Variants in GALNTL6 observed in about 807,000 individuals in gnomAD.
The protein encoded by GALNTL6 is polypeptide N-acetylgalactosaminyltransferase-like 6.
Under a neutral mutation model 73.7 loss-of-function variants are expected in GALNTL6, and 46 were observed. The ratio of observed to expected loss-of-function variants is 0.62; its 90% confidence interval spans 0.49 to 0.80. GALNTL6 has a LOEUF of 0.80. Ranked by LOEUF, GALNTL6 falls within the 30% of genes least tolerant of loss-of-function variation. The pLI is 0.00. For synonymous variants in GALNTL6, 259 were observed against 263.7 expected, an observed-to-expected ratio of 0.98 and a Z score of 0.17; for missense variants, 604 against 755.0, an observed-to-expected ratio of 0.80 and a Z score of 2.34.
In GALNTL6 at chr4:171,979,621, C is replaced by G. The variant is rs143634563; in HGVS notation, c.138+164903C>G. Among the ~76,000 whole-genome samples, 407 of 152,260 alleles carry G rather than the reference C, an allele frequency of 2.7e-3. 1 individual carries two copies. Among genetic ancestry groups the G allele is most frequent in the African/African-American group, 9.3e-3 (385 of 41,558 alleles). On this transcript the variant is annotated intron_variant, in intron 2 of 12. Transcript: ENST00000506823. ...TAGAAAATAGCCTGGGGCAGAGTTT[C>G]CCAAACTGAAAGGCAGTTGCCAAGG...
At chr4:172,789,834 A>T (rs1028453418) in intron 5 of GALNTL6, among the ~76,000 whole-genome samples, 3 of 152,226 alleles carry the variant, frequency 2.0e-5, no homozygotes, top group African/African-American at 7.2e-5. Flanking sequence ...GATAGGAGAA[A>T]GATTCTGTTT....
chr4:172,414,948 C>CT (rs1561072503), intron 5 of GALNTL6, among the ~76,000 whole-genome samples: 3 of 152,046 alleles, frequency 2.0e-5, no homozygotes, highest in African/African-American at 7.2e-5. Context: ...CAATAACATC[C>CT]TTTTTTTCAC....
intron 5 of GALNTL6, among the ~76,000 whole-genome samples, chr4:172,435,142 T>C (rs765432793): frequency 3.3e-5 from 5 of 152,276 alleles, no homozygotes; most frequent in East Asian, 1.9e-4. Context: ...AGGTTCCTTA[T>C]TGAACTCTAC....
intron 5 of GALNTL6, among the ~76,000 whole-genome samples, chr4:172,588,385 G>C (rs1009592832): frequency 2.0e-4 from 31 of 152,170 alleles, no homozygotes; most frequent in African/African-American, 7.0e-4. Flanking sequence ...CTTGAGGCCA[G>C]GATTTCGAGA....
chr4:172,395,505 A>G (rs1373210771), intron 5 of GALNTL6, among the ~76,000 whole-genome samples: 2 of 152,106 alleles, frequency 1.3e-5, no homozygotes, highest in African/African-American at 4.8e-5. Context: ...TCAACATACA[A>G]TATTTTTCTC....
intron 2 of GALNTL6, among the ~76,000 whole-genome samples, chr4:171,874,374 G>A (rs1041550224): frequency 2.6e-5 from 4 of 151,984 alleles, no homozygotes; most frequent in East Asian, 1.9e-4. Context: ...ATTTTTAGTC[G>A]AGACAGGGTT....
chr4:171,871,501 C>T (rs1736137147), intron 2 of GALNTL6, among the ~76,000 whole-genome samples: 1 of 152,020 alleles, frequency 6.6e-6, no homozygotes, highest in Admixed American at 6.6e-5. Context: ...TTCCCCCCAC[C>T]CCAACTAGAA....
chr4:172,550,789 CCTTTAT>C (rs1341485961), intron 5 of GALNTL6, among the ~76,000 whole-genome samples: 2 of 151,986 alleles, frequency 1.3e-5, no homozygotes, highest in African/African-American at 4.8e-5. Flanking sequence ...TCTGAATTTA[CCTTTAT>C]CTTTAACTTT....
intron 9 of GALNTL6, among the ~76,000 whole-genome samples, chr4:172,949,528 A>G (rs760685088): frequency 6.6e-6 from 1 of 152,208 alleles, no homozygotes; most frequent in South Asian, 2.1e-4. Context: ...AGTTTAGGGG[A>G]AAAGATGGTA....
intron 5 of GALNTL6, among the ~76,000 whole-genome samples, chr4:172,354,515 A>G (rs888284419): frequency 1.3e-5 from 2 of 151,974 alleles, no homozygotes; most frequent in Non-Finnish European, 2.9e-5. Context: ...AATGTAAGGG[A>G]ATCTGGGACA....
chr4:172,908,606 G>A (rs543018239), intron 8 of GALNTL6, among the ~76,000 whole-genome samples: 4 of 130,428 alleles, frequency 3.1e-5, no homozygotes, highest in South Asian at 4.9e-4. Flanking sequence ...ATGCATGAGC[G>A]TGAGTGTGTG....
intron 7 of GALNTL6, among the ~76,000 whole-genome samples, chr4:172,821,157 A>G (rs556250472): frequency 6.6e-6 from 1 of 152,360 alleles, no homozygotes; most frequent in South Asian, 2.1e-4. Context: ...TCTATGTAAT[A>G]ATCCCTTCAA....
chr4:172,531,710 C>T (rs1478819476), intron 5 of GALNTL6, among the ~76,000 whole-genome samples: 1 of 152,216 alleles, frequency 6.6e-6, no homozygotes, highest in African/African-American at 2.4e-5. Flanking sequence ...AGGGTGGCCA[C>T]TGCCATGCTT....
At chr4:172,911,210 G>A (rs190907683) in intron 8 of GALNTL6, among the ~76,000 whole-genome samples, 3 of 152,138 alleles carry the variant, frequency 2.0e-5, no homozygotes, top group Admixed American at 6.5e-5. Context: ...CTCATTTTAC[G>A]ATTTTACACT....
intron 5 of GALNTL6, among the ~76,000 whole-genome samples, chr4:172,562,719 C>G (rs115146783): frequency 8.7e-4 from 133 of 152,352 alleles, no homozygotes; most frequent in African/African-American, 3.1e-3. Flanking sequence ...ACGGATCATT[C>G]ACTGCCTCTG....
At chr4:172,058,383 C>G (rs1014707158) in intron 2 of GALNTL6, among the ~76,000 whole-genome samples, 2 of 152,090 alleles carry the variant, frequency 1.3e-5, no homozygotes, top group Non-Finnish European at 2.9e-5. Flanking sequence ...AATAAGATCT[C>G]GAAAAATACG....
intron 5 of GALNTL6, among the ~76,000 whole-genome samples, chr4:172,410,915 C>T (rs903478324): frequency 6.6e-6 from 1 of 152,034 alleles, no homozygotes; most frequent in African/African-American, 2.4e-5. Flanking sequence ...TATAACAGCA[C>T]AGCAGGCTTC....
At chr4:172,585,518 G>C (rs570511056) in intron 5 of GALNTL6, among the ~76,000 whole-genome samples, 2 of 152,076 alleles carry the variant, frequency 1.3e-5, no homozygotes, top group African/African-American at 4.8e-5. Flanking sequence ...TTGGTTTTCT[G>C]TTCCTGTATT....
chr4:171,827,338 T>G (rs1034012141), intron 2 of GALNTL6, among the ~76,000 whole-genome samples: 1 of 152,170 alleles, frequency 6.6e-6, no homozygotes, highest in Admixed American at 6.6e-5. Context: ...AGGAAAAAGG[T>G]AGAAGTTGCA....
Sources: allele counts gnomAD v4.1 joint callset (sites outside exome capture counted in the v4.1 genomes callset), GRCh38; gene constraint gnomAD v4.1.1; transcripts MANE v1.5; gene names NCBI Gene and HGNC (gene_info 2026-07-23, HGNC 2026-07-21).